Variants in CCR5AS observed in about 807,000 individuals in gnomAD.
CCR5AS encodes the protein CCR5 antisense RNA.
chr3:46,372,899 CA>C (rs1406354200), intron 2 of CCR5AS: 2 of 1,572,382 alleles, frequency 1.3e-6, no homozygotes, highest in East Asian at 4.5e-5. Context: ...CAGGGTGGAA[CA>C]AGATGGATTA....
At chr3:46,392,914 G>C (rs1701925093) in exon 2 of CCR5AS, 1 of 183,702 alleles carries the variant, frequency 5.4e-6, no homozygotes, top group East Asian at 1.7e-4. Flanking sequence ...GTGAGGAGAG[G>C]GGACCAATCT....
chr3:46,383,196 A>T (rs1467045874), intron 2 of CCR5AS, among the ~76,000 whole-genome samples: 1 of 152,152 alleles, frequency 6.6e-6, no homozygotes, highest in South Asian at 2.1e-4. Flanking sequence ...TAAGTAATGG[A>T]TGGAAAGGGC....
chr3:46,388,604 A>T (rs1701882288), intron 2 of CCR5AS, among the ~76,000 whole-genome samples: 1 of 152,178 alleles, frequency 6.6e-6, no homozygotes, highest in Non-Finnish European at 1.5e-5. Flanking sequence ...TGATTTAGGT[A>T]AAAACAACAC....
intron 2 of CCR5AS, among the ~76,000 whole-genome samples, chr3:46,378,733 A>G (rs945659066): frequency 2.2e-4 from 33 of 152,196 alleles, no homozygotes; most frequent in African/African-American, 7.9e-4. Flanking sequence ...CACATTCATC[A>G]TTTCTGAAAA....
chr3:46,390,681 G>C (rs933155416), intron 2 of CCR5AS, among the ~76,000 whole-genome samples: 1 of 152,144 alleles, frequency 6.6e-6, no homozygotes, highest in Non-Finnish European at 1.5e-5. Context: ...GCAGCAAAGA[G>C]ATGTGGCTGC....
Position 46,396,830 on chromosome 3 carries a change from C to T in CCR5AS, n.164-3778G>A, listed in dbSNP as rs139791929. ...TCTCCTGGAAGCCCTCCCCACAAGT[C>T]TGCTGCATACAACTCTCCTTCTCAG... On this transcript the variant is annotated intron_variant and non_coding_transcript_variant, in intron 1 of 3. Coordinates refer to ENST00000451485, the Ensembl canonical transcript of CCR5AS. 1.1e-3 allele frequency among the ~76,000 whole-genome samples: 174 copies of T among 152,322 alleles called. 2 individuals carry two copies. The highest frequency in any genetic ancestry group is 4.0e-3 in the African/African-American group (165 of 41,550).
intron 2 of CCR5AS, among the ~76,000 whole-genome samples, chr3:46,386,920 T>C (rs368171901): frequency 1.3e-5 from 2 of 152,156 alleles, no homozygotes; most frequent in African/African-American, 4.8e-5. Flanking sequence ...GAGGAAACAG[T>C]GTTGGTCATA....
intron 2 of CCR5AS, chr3:46,373,248 ATCT>A (rs748699284): frequency 6.2e-6 from 10 of 1,613,950 alleles, no homozygotes; most frequent in South Asian, 3.3e-5. Context: ...CTTCTCTGGA[ATCT>A]TCTTCATCAT....
intron 2 of CCR5AS, chr3:46,373,050 C>T: frequency 6.2e-6 from 10 of 1,614,182 alleles, no homozygotes; most frequent in African/African-American, 1.3e-5. Flanking sequence ...GGGCAACATG[C>T]TGGTCATCCT....
At chr3:46,386,179 G>A (rs1176774758) in intron 2 of CCR5AS, among the ~76,000 whole-genome samples, 1 of 152,020 alleles carries the variant, frequency 6.6e-6, no homozygotes, top group Non-Finnish European at 1.5e-5. Context: ...ACCTTCCAAA[G>A]TGCTAGGATT....
At chr3:46,390,542 C>A (rs555087157) in intron 2 of CCR5AS, among the ~76,000 whole-genome samples, 15 of 152,026 alleles carry the variant, frequency 9.9e-5, no homozygotes, top group Admixed American at 9.8e-4. Context: ...AGGGTGATTA[C>A]ATTTTAATGG....
intron 1 of CCR5AS, among the ~76,000 whole-genome samples, chr3:46,398,541 A>C (rs1259446677): frequency 5.9e-5 from 9 of 152,322 alleles, no homozygotes; most frequent in African/African-American, 1.9e-4. Flanking sequence ...CAAATTTTAT[A>C]CCAGAGCCAA....
chr3:46,368,903 T>G (rs1701627986), intron 3 of CCR5AS, among the ~76,000 whole-genome samples: 2 of 152,170 alleles, frequency 1.3e-5, no homozygotes, highest in African/African-American at 4.8e-5. Context: ...AACCAGCAAT[T>G]GCCACAAACA....
intron 1 of CCR5AS, among the ~76,000 whole-genome samples, chr3:46,406,421 C>A (rs2106785483): frequency 6.6e-6 from 1 of 152,020 alleles, no homozygotes; most frequent in African/African-American, 2.4e-5. Flanking sequence ...CCGTGCCCTC[C>A]CCGTCCCACT....
intron 2 of CCR5AS, among the ~76,000 whole-genome samples, chr3:46,384,855 TGATA>T (rs72247341): frequency 0.13 from 18,859 of 143,776 alleles, 1,382 homozygotes; most frequent in African/African-American, 0.21. Flanking sequence ...GGTACATAGA[TGATA>T]GATAGATAGA....
At chr3:46,394,563 C>T (rs989348847) in intron 1 of CCR5AS, among the ~76,000 whole-genome samples, 6 of 152,108 alleles carry the variant, frequency 3.9e-5, no homozygotes, top group South Asian at 4.1e-4. Flanking sequence ...TCCCCAGTGG[C>T]GCGTGCACAC....
intron 1 of CCR5AS, among the ~76,000 whole-genome samples, chr3:46,405,756 C>T (rs1049852932): frequency 6.6e-6 from 1 of 152,174 alleles, no homozygotes; most frequent in East Asian, 1.9e-4. Flanking sequence ...CCTTGTCTGT[C>T]GGCACACGTG....
intron 1 of CCR5AS, among the ~76,000 whole-genome samples, chr3:46,403,124 C>A (rs1415451414): frequency 8.5e-5 from 13 of 152,172 alleles, no homozygotes; most frequent in African/African-American, 1.2e-4. Context: ...ACCACACTTT[C>A]TTTATCTAAT....
At chr3:46,365,599 C>A (rs566345233) in intron 3 of CCR5AS, among the ~76,000 whole-genome samples, 1 of 152,194 alleles carries the variant, frequency 6.6e-6, no homozygotes, top group African/African-American at 2.4e-5. Flanking sequence ...CTTTAGCTAA[C>A]TGGCCACTGC....
Sources: allele counts gnomAD v4.1 joint callset (sites outside exome capture counted in the v4.1 genomes callset), GRCh38; gene constraint gnomAD v4.1.1; transcripts MANE v1.5; gene names NCBI Gene and HGNC (gene_info 2026-07-23, HGNC 2026-07-21).